Variants in TMEM123 observed in about 807,000 individuals in gnomAD.
TMEM123 encodes the protein transmembrane protein 123, also known as porimin.
Under a neutral mutation model 19.7 loss-of-function variants are expected in TMEM123, and 16 were observed. That is an observed-to-expected ratio of 0.81 (90% CI 0.55 to 1.23). The LOEUF (loss-of-function observed/expected upper bound fraction) is 1.23, where lower values mean the gene tolerates loss of function less well. Ranked by LOEUF, TMEM123 falls within the 50% of genes most tolerant of loss-of-function variation. TMEM123 has a pLI of 0.00. For synonymous variants in TMEM123, 118 were observed against 99.4 expected, an observed-to-expected ratio of 1.19 and a Z score of -1.12; for missense variants, 313 against 257.8, an observed-to-expected ratio of 1.21 and a Z score of -1.47.
At position 102,402,218 on chromosome 11, in the gene TMEM123, T is replaced by C; in HGVS notation, c.158-12A>G. 2 of 1,609,304 alleles carry C rather than the reference T, an allele frequency of 1.2e-6. No homozygotes were observed. The highest frequency in any genetic ancestry group is 1.1e-5 in the South Asian group (1 of 90,804). On this transcript the variant is annotated splice_polypyrimidine_tract_variant and intron_variant, in intron 2 of 4. Coordinates refer to ENST00000398136, the MANE Select transcript of TMEM123 (RefSeq NM_052932.3). ...ATGTTGGAGAGTCTCTGCAATAATATCAAGAAACATTAAAACCAGAGCTAT... is the reference window on the plus strand; with the variant it reads ...ATGTTGGAGAGTCTCTGCAATAATACCAAGAAACATTAAAACCAGAGCTAT...
intron 2 of TMEM123, among the ~76,000 whole-genome samples, chr11:102,406,482 G>A (rs1706191504): frequency 6.6e-6 from 1 of 152,144 alleles, no homozygotes; most frequent in African/African-American, 2.4e-5. Flanking sequence ...AGGCTGCACT[G>A]GGAGTAGACC....
chr11:102,399,671 T>G (rs957143902), intron 4 of TMEM123, among the ~76,000 whole-genome samples: 2 of 152,166 alleles, frequency 1.3e-5, no homozygotes, highest in Admixed American at 6.5e-5. Context: ...ATATAACTTT[T>G]AAAAATATGT....
At chr11:102,450,643 C>T (rs1019211010) in intron 1 of TMEM123, among the ~76,000 whole-genome samples, 1 of 152,222 alleles carries the variant, frequency 6.6e-6, no homozygotes, top group Admixed American at 6.5e-5. Flanking sequence ...TCATCTAACG[C>T]GGCTTAGTGG....
rs543337490 is a variant in TMEM123, at chr11:102,412,186, T to C, written c.158-9980A>G. On this transcript the variant is annotated intron_variant, in intron 2 of 4. Transcript: ENST00000398136. ...GGCTCATGCCTGTAATCCCAGCACTTTGGGAGGCCCAAGGGAGGCGAATCA... is the reference window on the plus strand; with the variant it reads ...GGCTCATGCCTGTAATCCCAGCACTCTGGGAGGCCCAAGGGAGGCGAATCA... Among the ~76,000 whole-genome samples the C allele has an allele frequency of 2.0e-5, 3 of 152,310 alleles. No individual in the cohort carries two copies. The East Asian group carries it at 5.8e-4, about 29-fold the overall frequency.
At chr11:102,434,464 T>C (rs12276134) in intron 2 of TMEM123, among the ~76,000 whole-genome samples, 3,427 of 151,990 alleles carry the variant, frequency 0.023, 149 homozygotes, top group African/African-American at 0.078. Context: ...TTCTATAGAG[T>C]TGAGTTCTTA....
At chr11:102,417,852 T>C (rs908895410) in intron 2 of TMEM123, among the ~76,000 whole-genome samples, 2 of 151,650 alleles carry the variant, frequency 1.3e-5, no homozygotes, top group Non-Finnish European at 2.9e-5. Flanking sequence ...ACTACAGCCA[T>C]CTGATCTTTG....
intron 2 of TMEM123, among the ~76,000 whole-genome samples, chr11:102,427,745 G>A (rs541372660): frequency 7.8e-4 from 118 of 151,294 alleles, no homozygotes; most frequent in African/African-American, 2.8e-3. Context: ...GGCTGAGGCA[G>A]GAGAATCACT....
At chr11:102,435,651 T>C (rs1252063848) in intron 2 of TMEM123, among the ~76,000 whole-genome samples, 2 of 151,936 alleles carry the variant, frequency 1.3e-5, no homozygotes, top group Non-Finnish European at 2.9e-5. Context: ...GCACTATTCA[T>C]AATATCAAAA....
intron 2 of TMEM123, among the ~76,000 whole-genome samples, chr11:102,432,468 C>G (rs1201517417): frequency 6.6e-6 from 1 of 152,182 alleles, no homozygotes; most frequent in East Asian, 1.9e-4. Flanking sequence ...GGAACTAGAA[C>G]TCGAGAGACA....
At chr11:102,441,859 T>C (rs1289689530) in intron 2 of TMEM123, among the ~76,000 whole-genome samples, 1 of 152,040 alleles carries the variant, frequency 6.6e-6, no homozygotes, top group African/African-American at 2.4e-5. Flanking sequence ...TAAAAAATGA[T>C]GAAGGGGATA....
At chr11:102,430,140 C>G (rs1857680616) in intron 2 of TMEM123, among the ~76,000 whole-genome samples, 1 of 152,234 alleles carries the variant, frequency 6.6e-6, no homozygotes, top group East Asian at 1.9e-4. Context: ...CCCGGGACCA[C>G]AGAAGACAAC....
intron 2 of TMEM123, among the ~76,000 whole-genome samples, chr11:102,404,181 G>A (rs893852494): frequency 6.6e-6 from 1 of 151,300 alleles, no homozygotes; most frequent in African/African-American, 2.4e-5. Context: ...TAGGTTCCTT[G>A]CCCCGCCACT....
At chr11:102,448,302 T>C (rs752318370) in intron 2 of TMEM123, 13 of 456,094 alleles carry the variant, frequency 2.9e-5, no homozygotes, top group South Asian at 2.0e-4. Context: ...GTTAGTGAAC[T>C]CAGAGGCCCA....
rs1277468710 is a variant in TMEM123 at position 102,397,172 on chromosome 11, C to T, written c.*1695G>A. 2 of 152,112 alleles carry T rather than the reference C, an allele frequency of 1.3e-5. No homozygotes were observed. Among genetic ancestry groups the T allele is most frequent in the Non-Finnish European group, 2.9e-5 (2 of 68,018 alleles). 9.4% of individuals were successfully genotyped at this position (152,112 alleles called of 1,614,324 possible). A position where few individuals can be genotyped will look rare whatever the true frequency, so the allele number is the denominator to read the frequency against. On this transcript the variant is annotated 3_prime_UTR_variant, in exon 5 of 5. Coordinates refer to ENST00000398136, the MANE Select transcript of TMEM123 (RefSeq NM_052932.3). ...TGTGTTACATACATCCAATCATATC[C>T]ATATTTTGGATCATTTTTTTCTATA... is the stretch of plus-strand genomic sequence containing the variant.
chr11:102,440,018 G>A (rs1298562711), intron 2 of TMEM123, among the ~76,000 whole-genome samples: 1 of 152,144 alleles, frequency 6.6e-6, no homozygotes, highest in Non-Finnish European at 1.5e-5. Context: ...AAAAAGAAAC[G>A]AACAAAGCCT....
chr11:102,413,999 G>A (rs1264051803), intron 2 of TMEM123, among the ~76,000 whole-genome samples: 1 of 152,126 alleles, frequency 6.6e-6, no homozygotes. Flanking sequence ...ACACAAAATA[G>A]CAATTTTAAG....
At chr11:102,448,059 A>C (rs1297039680) in intron 2 of TMEM123, among the ~76,000 whole-genome samples, 1 of 152,230 alleles carries the variant, frequency 6.6e-6, no homozygotes, top group Non-Finnish European at 1.5e-5. Flanking sequence ...TCCATTTTGT[A>C]TTCTTAGAAC....
chr11:102,425,285 G>C (rs1041045792), intron 2 of TMEM123, among the ~76,000 whole-genome samples: 2 of 152,094 alleles, frequency 1.3e-5, no homozygotes, highest in African/African-American at 2.4e-5. Context: ...GAAACACCTT[G>C]AACAACAACG....
chr11:102,422,167 T>C (rs991264980), intron 2 of TMEM123, among the ~76,000 whole-genome samples: 1 of 152,228 alleles, frequency 6.6e-6, no homozygotes, highest in Admixed American at 6.5e-5. Context: ...TCATCACTAA[T>C]GTTGATGGTA....
Sources: gnomAD v4.1 joint callset for allele counts (sites outside exome capture counted in the v4.1 genomes callset) on GRCh38, gnomAD v4.1.1 for gene constraint, MANE v1.5 for transcripts, NCBI Gene and HGNC (gene_info 2026-07-23, HGNC 2026-07-21) for gene names.